Variants in PCDHGA4 observed in about 807,000 individuals in gnomAD.
PCDHGA4 encodes the protein protocadherin gamma subfamily A, 4.
Under a neutral mutation model 54.6 loss-of-function variants are expected in PCDHGA4, and 38 were observed. That is an observed-to-expected ratio of 0.70 (90% confidence interval 0.54 to 0.91). The LOEUF is 0.91. Ranked by LOEUF, PCDHGA4 falls within the 40% of genes least tolerant of loss-of-function variation. PCDHGA4 has a pLI of 0.00. For synonymous variants in PCDHGA4, 511 were observed against 512.9 expected, an observed-to-expected ratio of 1.00 and a Z score of 0.05; for missense variants, 1,298 against 1,220.9, an observed-to-expected ratio of 1.06 and a Z score of -0.94.
rs538468873 is a variant in PCDHGA4 at position 141,364,832 on chromosome 5, C to T, written c.2514+7211C>T. The T allele has an allele frequency of 3.7e-6, 6 of 1,613,894 alleles. No individual in the cohort carries two copies. The highest frequency in any genetic ancestry group is 1.7e-5 in the Admixed American group (1 of 60,010). On this transcript the variant is annotated intron_variant, in intron 1 of 3. Coordinates refer to ENST00000571252, the MANE Select transcript of PCDHGA4 (RefSeq NM_018917.4). ...TGCGGATGTGGGTGTGAACTCTCTCCGGAGTTACCAGCTCAGCTCCAATCT... is the reference window on the plus strand; with the variant it reads ...TGCGGATGTGGGTGTGAACTCTCTCTGGAGTTACCAGCTCAGCTCCAATCT...
At chr5:141,446,604 G>C (rs1226194089) in intron 1 of PCDHGA4, among the ~76,000 whole-genome samples, 1 of 152,134 alleles carries the variant, frequency 6.6e-6, no homozygotes, top group Non-Finnish European at 1.5e-5. Flanking sequence ...AGCCTCCTGA[G>C]TAGCTGGGAC....
chr5:141,428,063 C>T lies in PCDHGA4; in HGVS notation c.2515-66744C>T, dbSNP rs777477669. 12 of 1,609,054 alleles carry T rather than the reference C, an allele frequency of 7.5e-6. No individual in the cohort carries two copies. In the African/African-American group the frequency reaches 1.3e-4, roughly 18 times the overall value. ...TGGTGACCAAGGTGGTGGCGGTGGA[C>T]GCAGATTCGGGACACAACGCTTGGC... On this transcript the variant is annotated intron_variant, in intron 1 of 3. Coordinates refer to ENST00000571252, the MANE Select transcript of PCDHGA4 (RefSeq NM_018917.4).
chr5:141,415,177 G>C, intron 1 of PCDHGA4: 3 of 1,613,926 alleles, frequency 1.9e-6, no homozygotes, highest in Non-Finnish European at 2.5e-6. Context: ...CACCGTGGCC[G>C]TGGCCGACAG....
At position 141,432,325 on chromosome 5, in the gene PCDHGA4, C is replaced by T. The variant is rs752180978; in HGVS notation, c.2515-62482C>T. ...TGTATGCGCTGAGCTCCTTCGACTACGAGCAGTTCCGAGACTTGCAAGTGA... is the reference window on the plus strand; with the variant it reads ...TGTATGCGCTGAGCTCCTTCGACTATGAGCAGTTCCGAGACTTGCAAGTGA... On this transcript the variant is annotated intron_variant, in intron 1 of 3. Coordinates refer to ENST00000571252, the MANE Select transcript of PCDHGA4 (RefSeq NM_018917.4). The surrounding 1 kb of genome is among the most constrained non-coding windows in gnomAD (Gnocchi z 6.0). 68 of 1,614,142 alleles carry T rather than the reference C, an allele frequency of 4.2e-5. No individual in the cohort carries two copies. Among genetic ancestry groups the T allele is most frequent in the Non-Finnish European group, 5.2e-5 (61 of 1,180,050 alleles).
chr5:141,409,462 C>T (rs377705841), intron 1 of PCDHGA4: 3 of 1,613,988 alleles, frequency 1.9e-6, no homozygotes, highest in Non-Finnish European at 2.5e-6. Flanking sequence ...AATACAATGT[C>T]ACCATCGTAG....
rs763451417 is a variant in PCDHGA4, at chr5:141,408,628, T to G, written c.2514+51007T>G. On this transcript the variant is annotated intron_variant, in intron 1 of 3. Transcript: ENST00000571252. The stretch of plus-strand genomic sequence containing the variant: ...ATAAAAAGGAAATACATTTAGAAAT[T>G]TTCGAATCTGCATCCGCTGGTACAC... The G allele has an allele frequency of 3.7e-6, 6 of 1,613,920 alleles. No individual in the cohort carries two copies. In the Admixed American group the frequency reaches 1.0e-4, roughly 27 times the overall value.
intron 1 of PCDHGA4, chr5:141,415,347 C>T (rs1369709460): frequency 1.9e-6 from 3 of 1,614,120 alleles, no homozygotes; most frequent in Non-Finnish European, 2.5e-6. Context: ...GGCGCTGGCA[C>T]AAGTCACGCC....
In PCDHGA4 at chr5:141,371,464, A is replaced by G. The variant is rs756446984; in HGVS notation, c.2514+13843A>G. The G allele has an allele frequency of 3.7e-6, 6 of 1,613,830 alleles. No individual in the cohort carries two copies. Among genetic ancestry groups the G allele is most frequent in the Non-Finnish European group, 5.1e-6 (6 of 1,179,870 alleles). ...CTGGCTTCTGAATCCCAACATATAC[A>G]AGAAGATGCTGAGCTGGGGACTGCC... is the stretch of plus-strand genomic sequence containing the variant. On this transcript the variant is annotated intron_variant, in intron 1 of 3. Coordinates refer to ENST00000571252, the MANE Select transcript of PCDHGA4 (RefSeq NM_018917.4).
chr5:141,431,473 C>T lies in PCDHGA4; in HGVS notation c.2515-63334C>T, dbSNP rs750300971. ...TGATGGTTCTGGATGCGAACGACAA[C>T]GCACCAGCGTTTGCTCAGCCCGAGT... On this transcript the variant is annotated intron_variant, in intron 1 of 3. Coordinates refer to ENST00000571252, the MANE Select transcript of PCDHGA4 (RefSeq NM_018917.4). This position sits in a 1 kb window ranked among gnomAD's most constrained non-coding sequence, Gnocchi z 4.8. 4.3e-6 allele frequency: 7 copies of T among 1,613,832 alleles called. No individual in the cohort carries two copies. The Admixed American group carries it at 1.2e-4, about 27-fold the overall frequency.
chr5:141,427,810 G>A (rs2097074260), intron 1 of PCDHGA4: 1 of 1,523,990 alleles, frequency 6.6e-7, no homozygotes, highest in Non-Finnish European at 9.0e-7. Flanking sequence ...AGCGCACAGA[G>A]CGGGGTGGTG....
chr5:141,403,592 G>A (rs779516418), intron 1 of PCDHGA4: 1 of 1,613,850 alleles, frequency 6.2e-7, no homozygotes, highest in Non-Finnish European at 8.5e-7. Flanking sequence ...GGTCCTCACG[G>A]CCTCGGATGG....
At chr5:141,361,580 G>C in intron 1 of PCDHGA4, 1 of 1,614,034 alleles carries the variant, frequency 6.2e-7, no homozygotes, top group African/African-American at 1.3e-5. Flanking sequence ...CCTGACTTGG[G>C]CCCCAGTGGC....
intron 2 of PCDHGA4, among the ~76,000 whole-genome samples, chr5:141,495,662 C>G (rs545912968): frequency 6.6e-6 from 1 of 152,138 alleles, no homozygotes; most frequent in Admixed American, 6.6e-5. Flanking sequence ...TGATCTGTGC[C>G]GCCCACTGTG....
chr5:141,374,130 T>C, intron 1 of PCDHGA4: 3 of 1,604,204 alleles, frequency 1.9e-6, no homozygotes, highest in Non-Finnish European at 1.7e-6. Flanking sequence ...CAGGTCCTGC[T>C]CCTCACGCTC....
Position 141,432,016 on chromosome 5 carries a change from C to T in PCDHGA4, c.2515-62791C>T, listed in dbSNP as rs771650925. The T allele has an allele frequency of 1.2e-6, 2 of 1,614,202 alleles. No homozygotes were observed. The highest frequency in any genetic ancestry group is 3.3e-5 in the Admixed American group (2 of 60,030). On this transcript the variant is annotated intron_variant, in intron 1 of 3. Coordinates refer to ENST00000571252, the MANE Select transcript of PCDHGA4 (RefSeq NM_018917.4). This position sits in a 1 kb window ranked among gnomAD's most constrained non-coding sequence, Gnocchi z 6.0. ...ATAGGGAACAGGTTCCTAGCTACAA[C>T]ATCACAGTGACCGCCACTGACCGGG...
At chr5:141,467,114 G>A (rs971182917) in intron 1 of PCDHGA4, among the ~76,000 whole-genome samples, 5 of 149,522 alleles carry the variant, frequency 3.3e-5, no homozygotes, top group South Asian at 2.1e-4. Context: ...GTACAATGGT[G>A]CAATCTCAGC....
chr5:141,456,389 TTTGA>T (rs1181323617), intron 1 of PCDHGA4, among the ~76,000 whole-genome samples: 2 of 152,074 alleles, frequency 1.3e-5, no homozygotes, highest in Non-Finnish European at 2.9e-5. Flanking sequence ...CCGTTTGGAG[TTTGA>T]TTGCTTCTAG....
At chr5:141,402,971 T>C in intron 1 of PCDHGA4, 2 of 1,608,370 alleles carry the variant, frequency 1.2e-6, no homozygotes. Flanking sequence ...TCCAACCAAA[T>C]GCCAGCTCCG....
At chr5:141,421,762 T>G (rs1272315856) in intron 1 of PCDHGA4, 2 of 1,613,884 alleles carry the variant, frequency 1.2e-6, no homozygotes, top group Non-Finnish European at 8.5e-7. Context: ...TAATAATTAC[T>G]TTTCCTTGCA....
Sources: allele counts gnomAD v4.1 joint callset (sites outside exome capture counted in the v4.1 genomes callset), GRCh38; gene constraint gnomAD v4.1.1; non-coding constraint Gnocchi (gnomAD v3.1); transcripts MANE v1.5; gene names NCBI Gene and HGNC (gene_info 2026-07-23, HGNC 2026-07-21).